Variants in RORA observed in about 807,000 individuals in gnomAD.
RORA encodes RAR related orphan receptor A.
A neutral mutation model predicts 69.5 loss-of-function variants in RORA; 7 were observed. That is an observed-to-expected ratio of 0.10 (90% CI 0.06 to 0.19). RORA has a LOEUF of 0.19. Among genes scored for constraint, RORA ranks in the 10% least tolerant of loss-of-function variants. The pLI is 1.00. For synonymous variants in RORA, 261 were observed against 240.8 expected (o/e 1.08, Z -0.78); for missense variants, 457 against 663.0 (o/e 0.69, Z 3.41).
At position 61,082,488 on chromosome 15, in the gene RORA, TCAAA is replaced by T. The variant is rs1210243193; in HGVS notation, c.166+146561_166+146564del. 1.7e-4 allele frequency among the ~76,000 whole-genome samples: 26 copies of T among 152,254 alleles called. No individual in the cohort carries two copies. The East Asian group carries it at 3.9e-3, about 23-fold the overall frequency. On this transcript the variant is annotated intron_variant, in intron 1 of 10. Coordinates refer to ENST00000335670, the MANE Select transcript of RORA (RefSeq NM_134261.3). The stretch of plus-strand genomic sequence containing the variant: ...TGGGTGACAAGAGCAAAACTCCATC[TCAAA>T]CAAACAAACAAAAAAACCACATACA...
At chr15:60,772,232 C>G (rs953369085) in intron 1 of RORA, among the ~76,000 whole-genome samples, 1 of 151,824 alleles carries the variant, frequency 6.6e-6, no homozygotes, top group Admixed American at 6.6e-5. Context: ...TGACAGGCCG[C>G]GGTGTGTGAT....
At chr15:61,144,686 T>C (rs186557967) in intron 1 of RORA, among the ~76,000 whole-genome samples, 1 of 152,218 alleles carries the variant, frequency 6.6e-6, no homozygotes, top group African/African-American at 2.4e-5. Flanking sequence ...CTTAATGCTG[T>C]TGAGTGGAAT....
At chr15:60,540,574 C>CCGCTG (rs72120718) in intron 2 of RORA, among the ~76,000 whole-genome samples, 1 of 102,646 alleles carries the variant, frequency 9.7e-6, no homozygotes, top group African/African-American at 4.5e-5. Context: ...ACCCCCCCCC[C>CCGCTG]CCAAAACTGT....
intron 2 of RORA, among the ~76,000 whole-genome samples, chr15:60,630,890 T>TTTTTTTTTC (rs2069722035): frequency 7.3e-6 from 1 of 136,366 alleles, no homozygotes; most frequent in Admixed American, 7.2e-5. Context: ...GAGACTTTCT[T>TTTTTTTTTC]TTTTTTTTTT....
intron 1 of RORA, among the ~76,000 whole-genome samples, chr15:60,728,436 A>G (rs1449057357): frequency 6.6e-6 from 1 of 152,092 alleles, no homozygotes; most frequent in Non-Finnish European, 1.5e-5. Context: ...TCAGTTACCT[A>G]TTCAGTTGAA....
intron 1 of RORA, among the ~76,000 whole-genome samples, chr15:61,217,382 A>G (rs1459528142): frequency 1.3e-5 from 2 of 152,124 alleles, no homozygotes; most frequent in East Asian, 1.9e-4. Flanking sequence ...GAGCTTCAAG[A>G]GGGAGAAGGT....
intron 2 of RORA, among the ~76,000 whole-genome samples, chr15:60,564,858 C>T (rs1032502383): frequency 2.6e-5 from 4 of 152,130 alleles, no homozygotes; most frequent in Admixed American, 1.3e-4. Context: ...GGCACCCGAA[C>T]GAAAACCCTG....
chr15:60,539,033 A>G (rs1355289602), intron 2 of RORA, among the ~76,000 whole-genome samples: 1 of 146,358 alleles, frequency 6.8e-6, no homozygotes, highest in Non-Finnish European at 1.5e-5. Context: ...ACACTCCTCA[A>G]ACCATCAAGA....
chr15:60,867,173 T>C (rs2073499067), intron 1 of RORA, among the ~76,000 whole-genome samples: 1 of 152,228 alleles, frequency 6.6e-6, no homozygotes, highest in Non-Finnish European at 1.5e-5. Context: ...TTTGTATCTA[T>C]CTTTTAATAT....
chr15:60,835,171 C>T (rs2073100087), intron 1 of RORA, among the ~76,000 whole-genome samples: 1 of 152,156 alleles, frequency 6.6e-6, no homozygotes, highest in Non-Finnish European at 1.5e-5. Flanking sequence ...TGGCTGCTGT[C>T]TTGGCTGCAT....
At chr15:60,892,709 TCC>T (rs1261553877) in intron 1 of RORA, among the ~76,000 whole-genome samples, 2 of 152,188 alleles carry the variant, frequency 1.3e-5, no homozygotes, top group Non-Finnish European at 2.9e-5. Flanking sequence ...GCTGAAACTT[TCC>T]TGACAAAGAA....
At chr15:60,981,207 GT>G (rs1426199411) in intron 1 of RORA, among the ~76,000 whole-genome samples, 1 of 151,286 alleles carries the variant, frequency 6.6e-6, no homozygotes, top group Non-Finnish European at 1.5e-5. Flanking sequence ...TATATAATAA[GT>G]TGCTTCTCTC....
intron 1 of RORA, among the ~76,000 whole-genome samples, chr15:60,714,076 C>T (rs1226455831): frequency 6.7e-6 from 1 of 150,038 alleles, no homozygotes; most frequent in Non-Finnish European, 1.5e-5. Context: ...TTTTTCGAGA[C>T]AGAGTCTCAC....
At chr15:60,647,296 C>G (rs2070063107) in intron 2 of RORA, among the ~76,000 whole-genome samples, 1 of 152,186 alleles carries the variant, frequency 6.6e-6, no homozygotes, top group Non-Finnish European at 1.5e-5. Flanking sequence ...AGAGGGAAGG[C>G]ATACACGTTT....
At chr15:61,109,519 C>T (rs764921430) in intron 1 of RORA, among the ~76,000 whole-genome samples, 21 of 152,300 alleles carry the variant, frequency 1.4e-4, no homozygotes, top group Non-Finnish European at 2.6e-4. Context: ...CCTCATCCAG[C>T]CCATCTTGTT....
intron 1 of RORA, among the ~76,000 whole-genome samples, chr15:61,173,700 G>A (rs2079604436): frequency 1.3e-5 from 2 of 152,158 alleles, no homozygotes; most frequent in Admixed American, 6.5e-5. Flanking sequence ...CTGCCACCCA[G>A]GCTGGAGTGC....
chr15:61,102,938 A>G (rs2078900848), intron 1 of RORA, among the ~76,000 whole-genome samples: 1 of 152,186 alleles, frequency 6.6e-6, no homozygotes, highest in Non-Finnish European at 1.5e-5. Flanking sequence ...ATCATTCTGT[A>G]TTTTGAATAT....
intron 1 of RORA, among the ~76,000 whole-genome samples, chr15:61,190,632 G>A (rs1289106004): frequency 1.3e-5 from 2 of 152,044 alleles, no homozygotes; most frequent in Non-Finnish European, 2.9e-5. Context: ...GAGGCTATGG[G>A]AGGCTAAGGG....
At chr15:60,612,415 C>T (rs182644558) in intron 2 of RORA, among the ~76,000 whole-genome samples, 101 of 152,290 alleles carry the variant, frequency 6.6e-4, no homozygotes, top group South Asian at 5.4e-3. Flanking sequence ...CAACTAACCC[C>T]GGGCAGAAAC....
Sources: allele counts gnomAD v4.1 joint callset (sites outside exome capture counted in the v4.1 genomes callset), GRCh38; gene constraint gnomAD v4.1.1; transcripts MANE v1.5; gene names NCBI Gene and HGNC (gene_info 2026-07-23, HGNC 2026-07-21).